Variants in PSMF1 observed in about 807,000 individuals in gnomAD.
PSMF1 encodes proteasome inhibitor subunit 1, also known as proteasome inhibitor PI31 subunit.
In PSMF1, 30 loss-of-function variants were observed where a neutral mutation model predicts 29.3. The ratio of observed to expected loss-of-function variants is 1.02; its 90% CI spans 0.77 to 1.39. PSMF1 has a LOEUF of 1.39. PSMF1 is among the 40% of genes most tolerant of loss of function. PSMF1 has a pLI of 0.00. For synonymous variants in PSMF1, 134 were observed against 139.7 expected (o/e 0.96, Z 0.29); for missense variants, 344 against 357.5 (o/e 0.96, Z 0.31).
chr20:1,127,513 T>A lies in PSMF1; in HGVS notation c.365+5T>A. ...ACACCTGGGTGACTTCCACAGGTAC[T>A]TCTAAATGATGTCTCTTCCCTGGGA... On this transcript the variant is annotated splice_donor_5th_base_variant and intron_variant, in intron 3 of 6. Coordinates refer to ENST00000335877, the MANE Select transcript of PSMF1 (RefSeq NM_006814.5). 1.3e-6 allele frequency: 2 copies of A among 1,570,612 alleles called. No homozygotes were observed. Among genetic ancestry groups the A allele is most frequent in the Non-Finnish European group, 1.8e-6 (2 of 1,140,268 alleles).
intron 3 of PSMF1, among the ~76,000 whole-genome samples, chr20:1,129,218 G>A (rs888849773): frequency 4.6e-5 from 7 of 152,042 alleles, no homozygotes; most frequent in Non-Finnish European, 7.4e-5. Context: ...TTTGCTGTTG[G>A]CCAGGCTGGT....
intron 2 of PSMF1, among the ~76,000 whole-genome samples, chr20:1,127,100 C>T (rs1217204855): frequency 1.3e-5 from 2 of 152,144 alleles, no homozygotes; most frequent in Admixed American, 1.3e-4. Flanking sequence ...AAGATGTCTG[C>T]CCCTTGCTGG....
At chr20:1,155,964 T>C (rs571161875) in intron 4 of PSMF1, among the ~76,000 whole-genome samples, 55 of 152,310 alleles carry the variant, frequency 3.6e-4, no homozygotes, top group African/African-American at 1.3e-3. Flanking sequence ...GACACAGATG[T>C]TGGAATTATT....
intron 4 of PSMF1, chr20:1,160,596 A>G (rs2086654270): frequency 4.1e-6 from 2 of 491,858 alleles, no homozygotes; most frequent in Admixed American, 2.3e-5. Context: ...GGAAGAAGAG[A>G]TCACCATACT....
rs770044411 is a variant in PSMF1 at position 1,135,250 on chromosome 20, G to A, written c.495G>A (p.Glu165=). ...AGTTCCCCCCTGCTACCGCCAGAGA[G>A]GTGGACCCACTCCGGATTCCTCCAC... The part of the protein sequence containing the change: ...HREFPPATAR[E]VDPLRIPPHH... The change falls in exon 4 of 7, where the codon GAG becomes GAA. Residue 165 remains glutamate, a synonymous_variant. Transcript: ENST00000335877. 6.2e-7 allele frequency: 1 copy of A among 1,614,068 alleles called. No homozygotes were observed. The highest frequency in any genetic ancestry group is 1.1e-5 in the South Asian group (1 of 91,066).
upstream of PSMF1, chr20:1,117,835 T>C (rs1434914215): frequency 6.6e-6 from 1 of 152,184 alleles, no homozygotes; most frequent in Non-Finnish European, 1.5e-5. Flanking sequence ...TAAGTGGATT[T>C]CATGAAACTT....
At chr20:1,149,432 T>C (rs2086497865) in intron 4 of PSMF1, among the ~76,000 whole-genome samples, 1 of 152,244 alleles carries the variant, frequency 6.6e-6, no homozygotes, top group African/African-American at 2.4e-5. Context: ...CACTGAGATA[T>C]GCAGATCTGC....
At chr20:1,147,449 C>T (rs1037800760) in intron 4 of PSMF1, among the ~76,000 whole-genome samples, 5 of 152,150 alleles carry the variant, frequency 3.3e-5, no homozygotes, top group African/African-American at 7.2e-5. Flanking sequence ...CACCTGTCAG[C>T]GTTAGTTCAT....
At chr20:1,147,179 C>CAT (rs869221637) in intron 4 of PSMF1, among the ~76,000 whole-genome samples, 14,793 of 125,730 alleles carry the variant, frequency 0.12, 952 homozygotes, top group East Asian at 0.38. Flanking sequence ...ATCATCATCA[C>CAT]CACCCTGTGT....
rs2086688466 is a variant in PSMF1 at position 1,163,216 on chromosome 20, A to G, written c.605+33A>G. 6 of 1,611,126 alleles carry G rather than the reference A, an allele frequency of 3.7e-6. No homozygotes were observed. In the Middle Eastern group the frequency reaches 5.1e-4, roughly 136 times the overall value. On this transcript the variant is annotated intron_variant, in intron 5 of 6. Coordinates refer to ENST00000335877, the MANE Select transcript of PSMF1 (RefSeq NM_006814.5). This position sits in a 1 kb window ranked among gnomAD's most constrained non-coding sequence, Gnocchi z 6.1. ...CTGCTGGGGAGGTGGCAGCAACACA[A>G]CTTGCTTTTGTGGCTTTTCAGCCCC...
intron 4 of PSMF1, chr20:1,160,843 AC>A: frequency 2.1e-6 from 1 of 466,332 alleles, no homozygotes; most frequent in Non-Finnish European, 4.4e-6. Context: ...AAGATCTGGC[AC>A]CACACCCTAC....
At chr20:1,121,625 A>G (rs1168967752) in intron 1 of PSMF1, among the ~76,000 whole-genome samples, 3 of 151,654 alleles carry the variant, frequency 2.0e-5, no homozygotes, top group African/African-American at 4.9e-5. Flanking sequence ...TGCTGTTTCC[A>G]CCCTTCTGGG....
intron 3 of PSMF1, among the ~76,000 whole-genome samples, chr20:1,134,548 C>G (rs748555402): frequency 6.6e-6 from 1 of 152,180 alleles, no homozygotes; most frequent in Admixed American, 6.5e-5. Context: ...TCTGTTACCT[C>G]AGCCTGCCTC....
intron 2 of PSMF1, 89 bp downstream of exon 2, chr20:1,125,739 T>C: frequency 6.8e-7 from 1 of 1,480,684 alleles, no homozygotes; most frequent in Non-Finnish European, 9.1e-7. Context: ...ATCCAGAGCT[T>C]CAATGTTCAT....
chr20:1,165,085 C>T lies in PSMF1; in HGVS notation c.*5C>T, dbSNP rs776322535. 2 of 1,614,154 alleles carry T rather than the reference C, an allele frequency of 1.2e-6. No homozygotes were observed. Among genetic ancestry groups the T allele is most frequent in the Non-Finnish European group, 1.7e-6 (2 of 1,180,020 alleles). On this transcript the variant is annotated 3_prime_UTR_variant, in exon 7 of 7. Transcript: ENST00000335877. ...TACGATGACATGTACCTGTGAAGGC[C>T]TCAAGAATGTAACATCCCAGGCTTC...
At chr20:1,161,432 G>T in intron 4 of PSMF1, 1 of 437,296 alleles carries the variant, frequency 2.3e-6, no homozygotes, top group South Asian at 3.0e-5. Flanking sequence ...GGTGTGATGT[G>T]GGCATCCACA....
Position 1,164,237 on chromosome 20 carries a change from G to A in PSMF1, c.606-81G>A. On this transcript the variant is annotated intron_variant, in intron 5 of 6. Transcript: ENST00000335877. The surrounding 1 kb of genome is among the most constrained non-coding windows in gnomAD (Gnocchi z 4.1). ...CAGAGTAGACATCCCAGCCATTCTT[G>A]GTGCATTGTAACCTCCCTCGCCTTT... 7.2e-7 allele frequency: 1 copy of A among 1,381,202 alleles called. No individual in the cohort carries two copies. Among genetic ancestry groups the A allele is most frequent in the Non-Finnish European group, 1.0e-6 (1 of 973,774 alleles). 85.6% of individuals were successfully genotyped at this position (1,381,202 alleles called of 1,614,324 possible).
At chr20:1,119,506 C>T (rs556606223) in intron 1 of PSMF1, among the ~76,000 whole-genome samples, 1 of 152,282 alleles carries the variant, frequency 6.6e-6, no homozygotes, top group South Asian at 2.1e-4. Context: ...CCAACTCAAG[C>T]TCTAGGAAGC....
rs747815384 is a variant in PSMF1 at position 1,125,590 on chromosome 20, G to A, written c.222G>A (p.Gly74=). The A allele has an allele frequency of 1.2e-6, 2 of 1,613,990 alleles. No individual in the cohort carries two copies. The highest frequency in any genetic ancestry group is 2.2e-5 in the East Asian group (1 of 44,896). Residue 74 remains glycine (G), a synonymous_variant, in exon 2 of 7, where the codon GGG becomes GGA. Coordinates refer to ENST00000335877, the MANE Select transcript of PSMF1 (RefSeq NM_006814.5). ...TCCTCCGGTATGAGTATAAGGATGG[G>A]TCCAGAAAGCTCCTTGTGAAAGCCA... ...LYVLRYEYKD[G]SRKLLVKAIT... is the part of the protein sequence containing the mutation.
Sources: gnomAD v4.1 joint callset for allele counts (sites outside exome capture counted in the v4.1 genomes callset) on GRCh38, gnomAD v4.1.1 for gene constraint, Gnocchi (gnomAD v3.1) non-coding constraint, MANE v1.5 for transcripts, NCBI Gene and HGNC (gene_info 2026-07-23, HGNC 2026-07-21) for gene names.